Variants in DOK6 observed in about 807,000 individuals in gnomAD.
The protein encoded by DOK6 is docking protein 6.
A neutral mutation model predicts 44.0 loss-of-function variants in DOK6; 22 were observed. That is an observed-to-expected ratio of 0.50 (90% CI 0.36 to 0.71). DOK6 has a LOEUF of 0.71. Ranked by LOEUF, DOK6 falls within the 30% of genes least tolerant of loss-of-function variation. The probability of loss-of-function intolerance (pLI) is 0.00; values close to 1 mark genes in which losing one functional copy is unlikely to be tolerated. For missense variants in DOK6, 340 were observed against 416.4 expected (o/e 0.82, Z 1.60); for synonymous variants, 166 against 145.5 (o/e 1.14, Z -1.01).
chr18:69,420,149 C>T (rs976128213), intron 1 of DOK6, among the ~76,000 whole-genome samples: 2 of 151,760 alleles, frequency 1.3e-5, no homozygotes, highest in Non-Finnish European at 2.9e-5. Context: ...CAGCAAAGTA[C>T]ATTGCTGTTT....
chr18:69,700,101 G>C (rs907175431), intron 5 of DOK6, among the ~76,000 whole-genome samples: 13 of 151,880 alleles, frequency 8.6e-5, no homozygotes, highest in African/African-American at 3.1e-4. Context: ...CCATGATTCA[G>C]TTATCTCCCA....
chr18:69,723,618 AAAATATTT>A (rs1453637145), intron 5 of DOK6, among the ~76,000 whole-genome samples: 2 of 152,236 alleles, frequency 1.3e-5, no homozygotes, highest in Non-Finnish European at 2.9e-5. Context: ...GCACAGCAGG[AAAATATTT>A]GCAAAGGAGC....
intron 4 of DOK6, among the ~76,000 whole-genome samples, chr18:69,679,297 G>A (rs1173169783): frequency 6.6e-6 from 1 of 152,166 alleles, no homozygotes; most frequent in African/African-American, 2.4e-5. Context: ...TAACAATACT[G>A]TCAACAGCCA....
intron 6 of DOK6, among the ~76,000 whole-genome samples, chr18:69,751,476 G>A (rs1257695400): frequency 1.3e-5 from 2 of 151,992 alleles, no homozygotes; most frequent in African/African-American, 4.8e-5. Context: ...TTGATACAGT[G>A]GATTAAAAAT....
intron 5 of DOK6, among the ~76,000 whole-genome samples, chr18:69,722,935 GTT>G (rs1414702726): frequency 1.3e-5 from 2 of 152,046 alleles, no homozygotes; most frequent in African/African-American, 4.8e-5. Flanking sequence ...AAGAAATTAT[GTT>G]TTCTTACTCT....
chr18:69,652,846 A>G (rs994861681), intron 3 of DOK6, among the ~76,000 whole-genome samples: 2 of 152,198 alleles, frequency 1.3e-5, no homozygotes, highest in Non-Finnish European at 2.9e-5. Context: ...AAGCTTGAAA[A>G]AAGCATAGAG....
At chr18:69,473,987 G>C (rs1471244092) in intron 1 of DOK6, among the ~76,000 whole-genome samples, 1 of 152,112 alleles carries the variant, frequency 6.6e-6, no homozygotes, top group African/African-American at 2.4e-5. Flanking sequence ...ATTCAAGAAG[G>C]TCAGCCTTCA....
rs1982333378 is a variant in DOK6, at chr18:69,845,797, G to A, written c.*4414G>A. 6.6e-6 allele frequency: 1 copy of A among 152,154 alleles called. No homozygotes were observed. Among genetic ancestry groups the A allele is most frequent in the African/African-American group, 2.4e-5 (1 of 41,434 alleles). The allele number at this position is 152,154 out of a possible 1,614,324, so 9.4% of individuals were successfully genotyped here. A position where few individuals can be genotyped will look rare whatever the true frequency, so the allele number is the denominator to read the frequency against. ...TTATGTCTTAAGGCCACTAGAGGAA[G>A]TCACTACATTCCCAACAAAGATGTG... On this transcript the variant is annotated 3_prime_UTR_variant, in exon 8 of 8. Coordinates refer to ENST00000382713, the MANE Select transcript of DOK6 (RefSeq NM_152721.6).
intron 1 of DOK6, among the ~76,000 whole-genome samples, chr18:69,561,586 G>C (rs1055609952): frequency 3.9e-5 from 6 of 152,016 alleles, no homozygotes; most frequent in African/African-American, 1.4e-4. Context: ...AGAACACCAG[G>C]AGCTCTAAAG....
At chr18:69,646,705 C>T (rs373860288) in intron 3 of DOK6, among the ~76,000 whole-genome samples, 24 of 152,218 alleles carry the variant, frequency 1.6e-4, no homozygotes, top group East Asian at 5.8e-4. Context: ...TACCACCAAA[C>T]GTCTAAAGGA....
intron 3 of DOK6, among the ~76,000 whole-genome samples, chr18:69,676,740 T>C (rs1985930938): frequency 6.6e-6 from 1 of 152,192 alleles, no homozygotes; most frequent in Non-Finnish European, 1.5e-5. Flanking sequence ...CTGGAAGACT[T>C]GGTTGATTTC....
intron 1 of DOK6, among the ~76,000 whole-genome samples, chr18:69,536,908 G>T (rs1273623267): frequency 1.3e-5 from 2 of 151,304 alleles, no homozygotes; most frequent in Non-Finnish European, 2.9e-5. Context: ...ATATTTTCTT[G>T]AATTAAATTA....
intron 7 of DOK6, among the ~76,000 whole-genome samples, chr18:69,787,519 T>C (rs1980468214): frequency 1.3e-5 from 2 of 152,194 alleles, no homozygotes; most frequent in African/African-American, 2.4e-5. Context: ...TTTTCTTCTG[T>C]CAAGGGTCAC....
chr18:69,418,028 G>T (rs987027364), intron 1 of DOK6, among the ~76,000 whole-genome samples: 19 of 151,968 alleles, frequency 1.3e-4, no homozygotes, highest in Non-Finnish European at 2.6e-4. Context: ...TTGGCTGATT[G>T]TTTCCTTTGC....
intron 1 of DOK6, among the ~76,000 whole-genome samples, chr18:69,522,086 A>T (rs1256732830): frequency 1.3e-5 from 2 of 152,036 alleles, no homozygotes; most frequent in Non-Finnish European, 2.9e-5. Context: ...TGTGTTGTAC[A>T]CACTTAGGGG....
rs1986256374 is a variant in DOK6 at position 69,691,183 on chromosome 18, CAAAA to C, written c.410-7220_410-7217del. Among the ~76,000 whole-genome samples, 15 of 105,174 alleles carry C rather than the reference CAAAA, an allele frequency of 1.4e-4. No individual in the cohort carries two copies. In the South Asian group the frequency reaches 4.2e-3, roughly 29 times the overall value. 69.0% of individuals were successfully genotyped at this position (105,174 alleles called of 152,430 possible). A position where few individuals can be genotyped will look rare whatever the true frequency, so the allele number is the denominator to read the frequency against. Reference sequence around the variant, plus strand: ...GGGCGACAAGAGCGAAACTCTGTCTCAAAATAAATAAATAAATAAATAAATAAAT... The same window carrying C: ...GGGCGACAAGAGCGAAACTCTGTCTCTAAATAAATAAATAAATAAATAAAT... On this transcript the variant is annotated intron_variant, in intron 4 of 7. Transcript: ENST00000382713.
intron 1 of DOK6, among the ~76,000 whole-genome samples, chr18:69,458,752 G>A (rs1006645282): frequency 1.3e-5 from 2 of 152,048 alleles, no homozygotes; most frequent in Non-Finnish European, 2.9e-5. Flanking sequence ...TGCCCAGACT[G>A]AGAATCAAAT....
At chr18:69,440,878 T>A (rs997495797) in intron 1 of DOK6, among the ~76,000 whole-genome samples, 2 of 152,118 alleles carry the variant, frequency 1.3e-5, no homozygotes, top group African/African-American at 4.8e-5. Context: ...TGACATTGTC[T>A]GATTGAAGGT....
rs756815349 is a variant in DOK6, at chr18:69,841,661, G to C, written c.*278G>C. The C allele has an allele frequency of 3.4e-5, 12 of 348,314 alleles. No individual in the cohort carries two copies. Among genetic ancestry groups the C allele is most frequent in the Non-Finnish European group, 6.3e-5 (12 of 190,280 alleles). The allele number at this position is 348,314 out of a possible 1,614,324, so 21.6% of individuals were successfully genotyped here. A position where few individuals can be genotyped will look rare whatever the true frequency, so the allele number is the denominator to read the frequency against. On this transcript the variant is annotated 3_prime_UTR_variant, in exon 8 of 8. Coordinates refer to ENST00000382713, the MANE Select transcript of DOK6 (RefSeq NM_152721.6). ...TAAATAAACAAAATTCTTTGGGTCT[G>C]ACAGTAACAGAAACCTCAGCACTGG...
Sources: gnomAD v4.1 joint callset for allele counts (sites outside exome capture counted in the v4.1 genomes callset) on GRCh38, gnomAD v4.1.1 for gene constraint, MANE v1.5 for transcripts, NCBI Gene and HGNC (gene_info 2026-07-23, HGNC 2026-07-21) for gene names.